ADCY2: variants seen among roughly 807,000 people sequenced by gnomAD.
ADCY2 encodes the protein adenylate cyclase type 2.
ADCY2 carries 31 observed loss-of-function variants against 125.2 expected under a neutral mutation model. That is an observed-to-expected ratio of 0.25 (90% CI 0.19 to 0.33). The LOEUF is 0.33. ADCY2 is among the 10% of genes least tolerant of loss of function. The pLI is 1.00. For missense variants in ADCY2, 904 were observed against 1,418.2 expected (o/e 0.64, Z 5.82); for synonymous variants, 512 against 548.4 (o/e 0.93, Z 0.93).
At chr5:7,722,960 C>CAAAAAAGAAAAAAAAAA (rs1741807701) in intron 12 of ADCY2, among the ~76,000 whole-genome samples, 1 of 51,634 alleles carries the variant, frequency 1.9e-5, no homozygotes, top group Non-Finnish European at 3.4e-5. Flanking sequence ...AACTCCATCT[C>CAAAAAAGAAAAAAAAAA]AAAAAAAAAA....
rs563915228 is a variant in ADCY2, at chr5:7,504,617, CT to C, written c.409-16106del. On this transcript the variant is annotated intron_variant, in intron 2 of 24. Coordinates refer to ENST00000338316, the MANE Select transcript of ADCY2 (RefSeq NM_020546.3). Reference sequence around the variant, plus strand: ...TTCTCTCTCTCTTTCTTTTTTCTTTCTTTTTTTTTTTTTTTGACAGGGTCTT... The same window carrying C: ...TTCTCTCTCTCTTTCTTTTTTCTTTCTTTTTTTTTTTTTTGACAGGGTCTT... Among the ~76,000 whole-genome samples the C allele has an allele frequency of 4.7e-3, 650 of 137,922 alleles. 3 individuals carry two copies. The highest frequency in any genetic ancestry group is 0.011 in the African/African-American group (416 of 37,716). 90.5% of individuals were successfully genotyped at this position (137,922 alleles called of 152,430 possible).
At chr5:7,491,890 T>C (rs1248637855) in intron 2 of ADCY2, among the ~76,000 whole-genome samples, 1 of 152,368 alleles carries the variant, frequency 6.6e-6, no homozygotes, top group Admixed American at 6.5e-5. Flanking sequence ...TATATTCTGT[T>C]TCCATGTTCC....
chr5:7,509,373 C>T (rs1249176751), intron 2 of ADCY2, among the ~76,000 whole-genome samples: 1 of 152,108 alleles, frequency 6.6e-6, no homozygotes, highest in Non-Finnish European at 1.5e-5. Flanking sequence ...TTTCGCACAG[C>T]GTAGAGGCTG....
At chr5:7,466,720 T>C (rs1186982284) in intron 2 of ADCY2, among the ~76,000 whole-genome samples, 1 of 152,180 alleles carries the variant, frequency 6.6e-6, no homozygotes, top group Non-Finnish European at 1.5e-5. Context: ...GGTAAAAATG[T>C]AAATAATAGA....
chr5:7,469,700 G>A (rs1742266606), intron 2 of ADCY2, among the ~76,000 whole-genome samples: 1 of 151,514 alleles, frequency 6.6e-6, no homozygotes, highest in Non-Finnish European at 1.5e-5. Context: ...GTTCATTCTA[G>A]TTTATTTTTC....
At chr5:7,671,739 A>C (rs899169204) in intron 4 of ADCY2, among the ~76,000 whole-genome samples, 1 of 152,122 alleles carries the variant, frequency 6.6e-6, no homozygotes, top group Non-Finnish European at 1.5e-5. Flanking sequence ...TTAGCTACTG[A>C]GTGGGGAAAT....
intron 3 of ADCY2, among the ~76,000 whole-genome samples, chr5:7,583,393 A>G (rs1736499637): frequency 6.6e-6 from 1 of 152,084 alleles, no homozygotes; most frequent in Admixed American, 6.6e-5. Context: ...GTGATCTTGT[A>G]AAAGTAGAAC....
At chr5:7,499,681 A>ATATGTATATATG (rs1419296301) in intron 2 of ADCY2, among the ~76,000 whole-genome samples, 3 of 124,102 alleles carry the variant, frequency 2.4e-5, no homozygotes, top group Non-Finnish European at 5.0e-5. Context: ...ATATATATAT[A>ATATGTATATATG]TGTATATATA....
At chr5:7,582,598 A>G (rs762916500) in intron 3 of ADCY2, among the ~76,000 whole-genome samples, 4 of 152,210 alleles carry the variant, frequency 2.6e-5, no homozygotes, top group Non-Finnish European at 5.9e-5. Flanking sequence ...TCCTAAGAAT[A>G]GTTTAACACA....
chr5:7,776,666 C>G (rs928223498), intron 18 of ADCY2, among the ~76,000 whole-genome samples: 1 of 152,072 alleles, frequency 6.6e-6, no homozygotes, highest in East Asian at 1.9e-4. Flanking sequence ...ACATTTGAGT[C>G]GGTGGACTGG....
intron 14 of ADCY2, among the ~76,000 whole-genome samples, chr5:7,732,746 G>A (rs1742143411): frequency 6.6e-6 from 1 of 152,198 alleles, no homozygotes; most frequent in Non-Finnish European, 1.5e-5. Context: ...AAATGAGTGA[G>A]TGAGTAAATG....
At chr5:7,761,726 C>T (rs1743221822) in intron 16 of ADCY2, among the ~76,000 whole-genome samples, 1 of 152,028 alleles carries the variant, frequency 6.6e-6, no homozygotes, top group Admixed American at 6.6e-5. Flanking sequence ...AAATGAGAAA[C>T]AAATCTGGTT....
chr5:7,551,717 G>A lies in ADCY2; in HGVS notation c.570+30818G>A, dbSNP rs76061965. Among the ~76,000 whole-genome samples, 1,203 of 152,246 alleles carry A rather than the reference G, an allele frequency of 7.9e-3. 11 individuals carry two copies. Among genetic ancestry groups the A allele is most frequent in the African/African-American group, 0.027 (1,135 of 41,568 alleles). On this transcript the variant is annotated intron_variant, in intron 3 of 24. Transcript: ENST00000338316. ...CCAGTATCAGTGTTAATCAGCAATG[G>A]CAGATTGTATTTTTGTAGGAAGCTT...
intron 3 of ADCY2, among the ~76,000 whole-genome samples, chr5:7,591,287 C>T (rs1736843376): frequency 6.6e-6 from 1 of 152,144 alleles, no homozygotes; most frequent in Admixed American, 6.5e-5. Flanking sequence ...CTTACTACTC[C>T]TAAGATGATA....
At chr5:7,818,847 TA>T (rs545279514) in intron 23 of ADCY2, among the ~76,000 whole-genome samples, 13 of 150,622 alleles carry the variant, frequency 8.6e-5, no homozygotes, top group African/African-American at 2.7e-4. Context: ...CTCTTTAAAA[TA>T]AAAAAAAATG....
chr5:7,520,888 C>A lies in ADCY2; in HGVS notation c.559C>A (p.Leu187Met), dbSNP rs759496903. The change falls in exon 3 of 25, where the codon CTG becomes ATG. Residue 187 changes from leucine (L) to methionine (M), a missense_variant. By Grantham distance (15) the Leu-to-Met change is conservative. Coordinates refer to ENST00000338316, the MANE Select transcript of ADCY2 (RefSeq NM_020546.3). ...LSATPGGKEH[L>M]VWQILANVII... Reference sequence around the variant, plus strand: ...TGCAACACCGGGAGGCAAGGAGCACCTGGTCTGGCAGGTGGGTGCACCTCC... The same window carrying A: ...TGCAACACCGGGAGGCAAGGAGCACATGGTCTGGCAGGTGGGTGCACCTCC... The A allele has an allele frequency of 1.2e-6, 2 of 1,614,092 alleles. No individual in the cohort carries two copies. The highest frequency in any genetic ancestry group is 8.5e-7 in the Non-Finnish European group (1 of 1,180,034).
intron 16 of ADCY2, among the ~76,000 whole-genome samples, chr5:7,758,379 C>T (rs1416155446): frequency 6.6e-6 from 1 of 152,166 alleles, no homozygotes; most frequent in Non-Finnish European, 1.5e-5. Flanking sequence ...GCAGCAGCAG[C>T]TGTAGGAGAT....
At chr5:7,722,975 A>AAAAAAAAAAAAT (rs1741809764) in intron 12 of ADCY2, among the ~76,000 whole-genome samples, 1 of 150,502 alleles carries the variant, frequency 6.6e-6, no homozygotes, top group Non-Finnish European at 1.5e-5. Context: ...AAAAAAAAAA[A>AAAAAAAAAAAAT]AAAAAAAAAA....
At chr5:7,542,974 G>A (rs1261524051) in intron 3 of ADCY2, among the ~76,000 whole-genome samples, 3 of 152,178 alleles carry the variant, frequency 2.0e-5, no homozygotes, top group Non-Finnish European at 2.9e-5. Flanking sequence ...GAAACAACTG[G>A]CCTGCATACT....
Sources: gnomAD v4.1 joint callset for allele counts (sites outside exome capture counted in the v4.1 genomes callset) on GRCh38, gnomAD v4.1.1 for gene constraint, MANE v1.5 for transcripts, NCBI Gene and HGNC (gene_info 2026-07-23, HGNC 2026-07-21) for gene names.